The following MTSS1 variants were observed in gnomAD, a reference collection of about 807,000 sequenced individuals.
The protein encoded by MTSS1 is MTSS I-BAR domain containing 1, also known as protein MTSS 1.
In MTSS1, 18 loss-of-function variants were observed where a neutral mutation model predicts 79.0. That is an observed-to-expected ratio of 0.23 (90% confidence interval 0.16 to 0.34). The LOEUF (loss-of-function observed/expected upper bound fraction) is 0.34. MTSS1 is among the 10% of genes least tolerant of loss of function. The pLI is 1.00. For synonymous variants in MTSS1, 341 were observed against 368.6 expected (o/e 0.93, Z 0.86); for missense variants, 815 against 986.2 (o/e 0.83, Z 2.33).
chr8:124,594,101 G>C (rs895501397), intron 3 of MTSS1, among the ~76,000 whole-genome samples: 1 of 152,196 alleles, frequency 6.6e-6, no homozygotes, highest in Non-Finnish European at 1.5e-5. Flanking sequence ...GAATTATGAT[G>C]TTGGAAAAGA....
intron 4 of MTSS1, 41 bp from the exon 5 acceptor site, chr8:124,589,752 A>T: frequency 7.5e-7 from 1 of 1,333,062 alleles, no homozygotes; most frequent in Non-Finnish European, 1.1e-6. Flanking sequence ...AATTAAATAG[A>T]TACATTCTGT....
rs994823505 is a variant in MTSS1 at position 124,685,916 on chromosome 8, G to A, written c.208+13610C>T. ...AGGCCACGCGGGGTGAAGGCGGAAC[G>A]CAAGTGAGCACCATGTCTCTAAGTG... On this transcript the variant is annotated intron_variant, in intron 3 of 13. Coordinates refer to ENST00000518547, the MANE Select transcript of MTSS1 (RefSeq NM_014751.6). Among the ~76,000 whole-genome samples, 9 of 152,166 alleles carry A rather than the reference G, an allele frequency of 5.9e-5. 1 individual carries two copies. Among genetic ancestry groups the A allele is most frequent in the Admixed American group, 3.3e-4 (5 of 15,282 alleles).
At chr8:124,672,296 C>T (rs545072082) in intron 3 of MTSS1, among the ~76,000 whole-genome samples, 8 of 152,272 alleles carry the variant, frequency 5.3e-5, no homozygotes, top group African/African-American at 1.9e-4. Context: ...GAGTTCAAGA[C>T]CAGCCTGCCC....
intron 3 of MTSS1, among the ~76,000 whole-genome samples, chr8:124,629,668 G>A (rs1432415893): frequency 6.6e-6 from 1 of 152,062 alleles, no homozygotes; most frequent in Non-Finnish European, 1.5e-5. Flanking sequence ...ACAGCCAAGT[G>A]CCTCCAACGT....
At chr8:124,714,898 G>A (rs1831703830) in intron 1 of MTSS1, among the ~76,000 whole-genome samples, 1 of 152,176 alleles carries the variant, frequency 6.6e-6, no homozygotes, top group Admixed American at 6.5e-5. Flanking sequence ...CCTAGCATTT[G>A]TATAAGCTTA....
intron 3 of MTSS1, among the ~76,000 whole-genome samples, chr8:124,625,909 C>T (rs1387238519): frequency 1.3e-5 from 2 of 152,314 alleles, no homozygotes; most frequent in African/African-American, 4.8e-5. Flanking sequence ...TCCCCACTGC[C>T]TCTCTCCCTC....
intron 3 of MTSS1, among the ~76,000 whole-genome samples, chr8:124,689,869 T>G (rs999618718): frequency 2.6e-5 from 4 of 151,756 alleles, no homozygotes; most frequent in Non-Finnish European, 5.9e-5. Flanking sequence ...GCAGTGGGGA[T>G]GGGGTGGGGT....
intron 4 of MTSS1, 48 bp downstream of exon 4, chr8:124,591,103 T>G: frequency 2.0e-6 from 3 of 1,514,414 alleles, no homozygotes; most frequent in Non-Finnish European, 2.8e-6. Context: ...TTCCTTAACC[T>G]GAAATCTGCA....
intron 3 of MTSS1, among the ~76,000 whole-genome samples, chr8:124,645,703 C>T (rs1213908080): frequency 6.6e-6 from 1 of 152,116 alleles, no homozygotes; most frequent in Non-Finnish European, 1.5e-5. Context: ...TAAGCTCCAA[C>T]CTTTGACTTA....
chr8:124,597,282 G>A lies in MTSS1; in HGVS notation c.209-6047C>T, dbSNP rs1380995130. ...AGGAGGGTTAACAACCTTGCTGAGGGCCACATTGCTGGTCAGCAGTAGAGC... is the reference window on the plus strand; with the variant it reads ...AGGAGGGTTAACAACCTTGCTGAGGACCACATTGCTGGTCAGCAGTAGAGC... On this transcript the variant is annotated intron_variant, in intron 3 of 13. Transcript: ENST00000518547. The surrounding 1 kb of genome is among the most constrained non-coding windows in gnomAD (Gnocchi z 4.6). 2.6e-5 allele frequency among the ~76,000 whole-genome samples: 4 copies of A among 152,148 alleles called. No individual in the cohort carries two copies. The highest frequency in any genetic ancestry group is 9.7e-5 in the African/African-American group (4 of 41,430).
intron 3 of MTSS1, among the ~76,000 whole-genome samples, chr8:124,599,491 A>G (rs1833384190): frequency 6.6e-6 from 1 of 151,706 alleles, no homozygotes; most frequent in Non-Finnish European, 1.5e-5. Context: ...TCAAAAAAAA[A>G]AAAAAAAAAA....
intron 3 of MTSS1, among the ~76,000 whole-genome samples, chr8:124,628,381 C>T (rs914730938): frequency 2.9e-4 from 44 of 152,110 alleles, no homozygotes; most frequent in Non-Finnish European, 3.4e-4. Flanking sequence ...ATTAAACCAC[C>T]GCCACAGGAT....
At chr8:124,675,945 G>A (rs369086456) in intron 3 of MTSS1, among the ~76,000 whole-genome samples, 83 of 152,312 alleles carry the variant, frequency 5.4e-4, no homozygotes, top group African/African-American at 2.0e-3. Flanking sequence ...TGTTGCGGTA[G>A]ACATTCATGT....
At chr8:124,611,308 C>A (rs181523487) in intron 3 of MTSS1, among the ~76,000 whole-genome samples, 364 of 152,276 alleles carry the variant, frequency 2.4e-3, no homozygotes, top group Non-Finnish European at 4.1e-3. Context: ...GGGTAAGTGA[C>A]GTACATCACA....
chr8:124,695,013 A>AT (rs1485017472), intron 3 of MTSS1, among the ~76,000 whole-genome samples: 1 of 129,222 alleles, frequency 7.7e-6, no homozygotes, highest in African/African-American at 2.6e-5. Flanking sequence ...ATACACTTTC[A>AT]TTTAAAAAAA....
chr8:124,702,830 C>G (rs982267787), intron 2 of MTSS1, among the ~76,000 whole-genome samples: 2 of 152,166 alleles, frequency 1.3e-5, no homozygotes, highest in Admixed American at 1.3e-4. Flanking sequence ...TTTAAAATGT[C>G]CTATCCTTCA....
intron 10 of MTSS1, among the ~76,000 whole-genome samples, chr8:124,562,387 AATCT>A (rs1365911132): frequency 6.6e-6 from 1 of 152,224 alleles, no homozygotes; most frequent in Non-Finnish European, 1.5e-5. Flanking sequence ...TCAACCATAG[AATCT>A]CAGCCATTCA....
In MTSS1 at chr8:124,555,818, G is replaced by C; in HGVS notation, c.1491C>G (p.Asp497Glu). ...TGTAGCCGCTGGAGCACTGAAGCGA[G>C]TCCCGGCTGCTCCTCTGGGTGTCCA... ...LQLDTQRSSR[D>E]SLQCSSGYST... Residue 497 changes from aspartate (D) to glutamate (E), a missense_variant, in exon 13 of 14, where the codon GAC becomes GAG. By Grantham distance (45) the Asp-to-Glu change is conservative. Coordinates refer to ENST00000518547, the MANE Select transcript of MTSS1 (RefSeq NM_014751.6). The C allele has an allele frequency of 1.2e-6, 2 of 1,613,570 alleles. No homozygotes were observed. The highest frequency in any genetic ancestry group is 8.5e-7 in the Non-Finnish European group (1 of 1,179,892).
chr8:124,575,836 G>A (rs1265293338), intron 6 of MTSS1, among the ~76,000 whole-genome samples: 3 of 152,152 alleles, frequency 2.0e-5, no homozygotes, highest in Non-Finnish European at 4.4e-5. Flanking sequence ...GCATCCTCAC[G>A]GCTCCAAAAT....
Sources: gnomAD v4.1 joint callset for allele counts (sites outside exome capture counted in the v4.1 genomes callset) on GRCh38, gnomAD v4.1.1 for gene constraint, Gnocchi (gnomAD v3.1) non-coding constraint, MANE v1.5 for transcripts, NCBI Gene and HGNC (gene_info 2026-07-23, HGNC 2026-07-21) for gene names.